Variants in CSMD1 observed in about 807,000 individuals in gnomAD.
The protein encoded by CSMD1 is CUB and sushi domain-containing protein 1.
A neutral mutation model predicts 417.5 loss-of-function variants in CSMD1; 213 were observed. The ratio of observed to expected loss-of-function variants is 0.51; its 90% CI spans 0.46 to 0.57. The LOEUF is 0.57. CSMD1 is among the 20% of genes least tolerant of loss of function. CSMD1 has a pLI of 0.00. For missense variants in CSMD1, 6,923 were observed against 4,529.7 expected, an observed-to-expected ratio of 1.53 and a Z score of -15.17; for synonymous variants, 2,862 against 1,736.8, an observed-to-expected ratio of 1.65 and a Z score of -16.11.
At chr8:4,408,106 C>T (rs1310548594) in intron 3 of CSMD1, among the ~76,000 whole-genome samples, 3 of 152,056 alleles carry the variant, frequency 2.0e-5, no homozygotes. Flanking sequence ...AAAGTTTATG[C>T]CTGAATGGAA....
rs533148656 is a variant in CSMD1, at chr8:3,384,585, G to C, written c.2782+2909C>G. 5.4e-5 allele frequency among the ~76,000 whole-genome samples: 8 copies of C among 147,936 alleles called. No homozygotes were observed. The East Asian group carries it at 1.4e-3, about 25-fold the overall frequency. On this transcript the variant is annotated intron_variant, in intron 18 of 69. Transcript: ENST00000635120. ...CAAAAATATATTTCGTATCCATTTGGAGCATTTCTTTTCCAAATTAATTTT... is the reference window on the plus strand; with the variant it reads ...CAAAAATATATTTCGTATCCATTTGCAGCATTTCTTTTCCAAATTAATTTT...
chr8:4,732,753 G>A (rs772278098), intron 1 of CSMD1, among the ~76,000 whole-genome samples: 5 of 152,154 alleles, frequency 3.3e-5, no homozygotes, highest in African/African-American at 9.7e-5. Context: ...TAAAGACTAA[G>A]CAGGCATTTT....
intron 7 of CSMD1, among the ~76,000 whole-genome samples, chr8:3,644,815 C>T (rs1477227310): frequency 1.3e-5 from 2 of 151,950 alleles, no homozygotes; most frequent in Non-Finnish European, 2.9e-5. Context: ...CACTTAACAT[C>T]CTCCCTCCAG....
In CSMD1 at chr8:3,301,580, G is replaced by A. The variant is rs188350882; in HGVS notation, c.3950+6115C>T. On this transcript the variant is annotated intron_variant, in intron 25 of 69. Transcript: ENST00000635120. Reference sequence around the variant, plus strand: ...GAAACTGGAGGTGAGTCAATGAGGAGAAACTCAAGACAGTGTGTGTAAAGA... The same window carrying A: ...GAAACTGGAGGTGAGTCAATGAGGAAAAACTCAAGACAGTGTGTGTAAAGA... Among the ~76,000 whole-genome samples, 502 of 152,256 alleles carry A rather than the reference G, an allele frequency of 3.3e-3. 2 individuals are homozygous for A. The highest frequency in any genetic ancestry group is 5.5e-3 in the Non-Finnish European group (371 of 68,026).
At chr8:3,709,690 T>G (rs1400179454) in intron 6 of CSMD1, among the ~76,000 whole-genome samples, 2 of 118,606 alleles carry the variant, frequency 1.7e-5, no homozygotes, top group African/African-American at 6.1e-5. Context: ...GTTTTTTTTT[T>G]TTTTTTTTTT....
chr8:3,584,331 C>T (rs527645005), intron 9 of CSMD1, among the ~76,000 whole-genome samples: 12 of 152,234 alleles, frequency 7.9e-5, no homozygotes, highest in African/African-American at 1.2e-4. Context: ...ACCAAACACA[C>T]CAAACAAGAG....
intron 2 of CSMD1, among the ~76,000 whole-genome samples, chr8:4,626,083 G>A (rs965660875): frequency 6.6e-6 from 1 of 152,128 alleles, no homozygotes; most frequent in Non-Finnish European, 1.5e-5. Flanking sequence ...ATTACAATTG[G>A]AGAAAAACTG....
intron 3 of CSMD1, among the ~76,000 whole-genome samples, chr8:4,047,072 G>T (rs1168398592): frequency 6.6e-6 from 1 of 152,154 alleles, no homozygotes; most frequent in Admixed American, 6.5e-5. Context: ...ATTAAATGTG[G>T]TCTTTAAAAA....
chr8:3,949,272 T>G (rs2740868), intron 5 of CSMD1, among the ~76,000 whole-genome samples: 1 of 152,014 alleles, frequency 6.6e-6, no homozygotes. Context: ...ACTACAGCTA[T>G]CATGTTGTAC....
At chr8:4,533,077 G>T (rs190624021) in intron 2 of CSMD1, among the ~76,000 whole-genome samples, 3 of 152,308 alleles carry the variant, frequency 2.0e-5, no homozygotes, top group East Asian at 3.9e-4. Flanking sequence ...TGCGTCAAAA[G>T]ATTTTTTGGT....
chr8:2,996,075 A>G (rs1806869346), intron 54 of CSMD1, among the ~76,000 whole-genome samples: 1 of 152,010 alleles, frequency 6.6e-6, no homozygotes, highest in South Asian at 2.1e-4. Flanking sequence ...ACCTCTCTGT[A>G]TTATACCTAG....
chr8:4,431,048 G>C (rs991935030), intron 2 of CSMD1, among the ~76,000 whole-genome samples: 3 of 152,012 alleles, frequency 2.0e-5, no homozygotes, highest in Admixed American at 2.0e-4. Context: ...AGAATAACTC[G>C]TGGAGTGTCC....
At chr8:4,107,233 C>A (rs1302223524) in intron 3 of CSMD1, among the ~76,000 whole-genome samples, 1 of 152,178 alleles carries the variant, frequency 6.6e-6, no homozygotes, top group Non-Finnish European at 1.5e-5. Flanking sequence ...GTAGCTGGCG[C>A]CAGAATGGAA....
At chr8:3,539,557 T>G (rs979807237) in intron 10 of CSMD1, among the ~76,000 whole-genome samples, 1 of 152,106 alleles carries the variant, frequency 6.6e-6, no homozygotes, top group African/African-American at 2.4e-5. Flanking sequence ...AGGAAAAGCG[T>G]GATTCAGAAG....
intron 5 of CSMD1, among the ~76,000 whole-genome samples, chr8:3,805,529 C>G (rs544063869): frequency 3.3e-5 from 5 of 152,280 alleles, no homozygotes; most frequent in Middle Eastern, 3.4e-3. Flanking sequence ...GGAACACTTT[C>G]ATCTGCAGTG....
chr8:4,036,925 G>T (rs960465123), intron 3 of CSMD1, among the ~76,000 whole-genome samples: 6 of 151,822 alleles, frequency 4.0e-5, no homozygotes, highest in African/African-American at 1.2e-4. Context: ...TCATTGGCAT[G>T]TGCCCTGGAT....
chr8:4,471,745 T>G (rs932217680), intron 2 of CSMD1, among the ~76,000 whole-genome samples: 1 of 48,604 alleles, frequency 2.1e-5, no homozygotes, highest in Non-Finnish European at 7.6e-5. Flanking sequence ...AGAAAAGAAG[T>G]TAGACCCATT....
chr8:3,914,505 T>A (rs1025851286), intron 5 of CSMD1, among the ~76,000 whole-genome samples: 1 of 152,226 alleles, frequency 6.6e-6, no homozygotes, highest in Non-Finnish European at 1.5e-5. Context: ...GCAATCTGTG[T>A]AAAGTTTAAT....
At chr8:3,437,171 C>G (rs918835458) in intron 12 of CSMD1, among the ~76,000 whole-genome samples, 1 of 152,096 alleles carries the variant, frequency 6.6e-6, no homozygotes, top group Admixed American at 6.6e-5. Flanking sequence ...GTGAATTTAT[C>G]ATAATACTGT....
Sources: allele counts gnomAD v4.1 joint callset (sites outside exome capture counted in the v4.1 genomes callset), GRCh38; gene constraint gnomAD v4.1.1; transcripts MANE v1.5; gene names NCBI Gene and HGNC (gene_info 2026-07-23, HGNC 2026-07-21).